Variants in ARID1B observed in about 807,000 individuals in gnomAD.
The protein encoded by ARID1B is AT-rich interactive domain-containing protein 1B.
Under a neutral mutation model 212.3 loss-of-function variants are expected in ARID1B, and 30 were observed. That is an observed-to-expected ratio of 0.14 (90% CI 0.11 to 0.19). ARID1B has a LOEUF of 0.19. Among genes scored for constraint, ARID1B ranks in the 10% least tolerant of loss-of-function variants. ARID1B has a pLI of 1.00. For missense variants in ARID1B, 2,891 were observed against 3,204.0 expected (o/e 0.90, Z 2.36); for synonymous variants, 1,402 against 1,301.7 (o/e 1.08, Z -1.66).
At chr6:156,986,054 T>G (rs772454147) in intron 4 of ARID1B, among the ~76,000 whole-genome samples, 3 of 137,824 alleles carry the variant, frequency 2.2e-5, no homozygotes, top group Non-Finnish European at 4.6e-5. Flanking sequence ...ATTCCTTTAC[T>G]TGGAAGGCTT....
At chr6:156,835,132 C>T (rs1445956455) in intron 2 of ARID1B, among the ~76,000 whole-genome samples, 5 of 149,774 alleles carry the variant, frequency 3.3e-5, no homozygotes, top group African/African-American at 9.9e-5. Flanking sequence ...CCCAGCTCCT[C>T]GGGAAGCTGA....
At chr6:156,966,741 G>A (rs1217531846) in intron 4 of ARID1B, among the ~76,000 whole-genome samples, 4 of 140,132 alleles carry the variant, frequency 2.9e-5, no homozygotes, top group South Asian at 2.3e-4. Context: ...TCGCTCTGTC[G>A]CTAGGCTGGA....
intron 8 of ARID1B, among the ~76,000 whole-genome samples, chr6:157,154,805 T>A (rs1790469670): frequency 1.3e-5 from 2 of 152,096 alleles, no homozygotes; most frequent in African/African-American, 2.4e-5. Flanking sequence ...ATGGCCTTGA[T>A]CTCTTAACGT....
rs754114025 is a variant in ARID1B, at chr6:156,778,198, CCCACCA to C, written c.531_536del (p.His178_His179del). On this transcript the variant is annotated inframe_deletion, in exon 1 of 20. Coordinates refer to ENST00000636930, the MANE Select transcript of ARID1B (RefSeq NM_001374828.1). ...CAGCAGCACCACCACCACCACCATG[CCCACCA>C]CCACCACCACCATGCCCACCACCTC... is the stretch of plus-strand genomic sequence containing the variant. 90 of 1,538,094 alleles carry C rather than the reference CCCACCA, an allele frequency of 5.9e-5. No individual in the cohort carries two copies. The highest frequency in any genetic ancestry group is 2.9e-4 in the African/African-American group (21 of 72,640).
rs148312281 is a variant in ARID1B, at chr6:156,983,213, G to A, written c.2247+47637G>A. Reference sequence around the variant, plus strand: ...AGTTCAAGACCAGCCTGACCAAGATGGTGACACCCCATCTCTACTAAAAAC... The same window carrying A: ...AGTTCAAGACCAGCCTGACCAAGATAGTGACACCCCATCTCTACTAAAAAC... On this transcript the variant is annotated intron_variant, in intron 4 of 19. Transcript: ENST00000636930. Among the ~76,000 whole-genome samples, 898 of 152,140 alleles carry A rather than the reference G, an allele frequency of 5.9e-3. 14 individuals are homozygous for A. Among genetic ancestry groups the A allele is most frequent in the African/African-American group, 0.021 (866 of 41,510 alleles).
chr6:156,989,452 C>T (rs1386016516), intron 4 of ARID1B, among the ~76,000 whole-genome samples: 8 of 152,164 alleles, frequency 5.3e-5, no homozygotes, highest in Non-Finnish European at 1.0e-4. Flanking sequence ...TTTGGGAATT[C>T]GTCATAGCTG....
intron 5 of ARID1B, among the ~76,000 whole-genome samples, chr6:157,101,568 A>G (rs1786049211): frequency 6.6e-6 from 1 of 152,214 alleles, no homozygotes; most frequent in South Asian, 2.1e-4. Flanking sequence ...CATTAATTAT[A>G]AAAAGCCAAT....
intron 8 of ARID1B, among the ~76,000 whole-genome samples, chr6:157,163,237 C>T (rs1252769364): frequency 6.6e-6 from 1 of 152,144 alleles, no homozygotes; most frequent in Non-Finnish European, 1.5e-5. Context: ...CGCCTCGAAA[C>T]CCAGGTCGCT....
intron 1 of ARID1B, among the ~76,000 whole-genome samples, chr6:156,797,275 G>A (rs191486112): frequency 1.3e-5 from 2 of 152,254 alleles, no homozygotes; most frequent in African/African-American, 4.8e-5. Context: ...ACCCACATGG[G>A]GGTGCTGCCG....
chr6:156,776,466 G>A (rs1254833003), upstream of ARID1B: 1 of 152,102 alleles, frequency 6.6e-6, no homozygotes, highest in African/African-American at 2.4e-5. Flanking sequence ...TATATCGAGA[G>A]GGTTAACTGT....
intron 1 of ARID1B, among the ~76,000 whole-genome samples, chr6:156,784,987 T>G (rs769144195): frequency 1.3e-5 from 2 of 152,144 alleles, no homozygotes; most frequent in Admixed American, 6.5e-5. Context: ...CTCGAACTCC[T>G]GACCTCAAGT....
rs138163979 is a variant in ARID1B at position 156,871,019 on chromosome 6, A to G, written c.1987-30357A>G. Among the ~76,000 whole-genome samples the G allele has an allele frequency of 2.0e-3, 303 of 152,342 alleles. 1 individual carries two copies. Among genetic ancestry groups the G allele is most frequent in the Non-Finnish European group, 3.7e-3 (255 of 68,024 alleles). On this transcript the variant is annotated intron_variant, in intron 2 of 19. Coordinates refer to ENST00000636930, the MANE Select transcript of ARID1B (RefSeq NM_001374828.1). ...TAGAACGTTTGGATTTCCTAGCATTATGCCTAAAAGAGATTAGTATTTATG... is the reference window on the plus strand; with the variant it reads ...TAGAACGTTTGGATTTCCTAGCATTGTGCCTAAAAGAGATTAGTATTTATG...
In ARID1B at chr6:157,200,394, C is replaced by T. The variant is rs1036505551; in HGVS notation, c.4480-311C>T. Among the ~76,000 whole-genome samples the T allele has an allele frequency of 9.2e-5, 14 of 151,960 alleles. No individual in the cohort carries two copies. Among genetic ancestry groups the T allele is most frequent in the Non-Finnish European group, 5.9e-5 (4 of 67,972 alleles). Reference sequence around the variant, plus strand: ...CTAGTGCAGCTCCCAGCCCGGGAGCCGTCTGCCTGTGTGGGAGTTGAACGC... The same window carrying T: ...CTAGTGCAGCTCCCAGCCCGGGAGCTGTCTGCCTGTGTGGGAGTTGAACGC... On this transcript the variant is annotated intron_variant, in intron 17 of 19. Transcript: ENST00000636930. The surrounding 1 kb of genome is among the most constrained non-coding windows in gnomAD (Gnocchi z 4.3).
chr6:157,080,535 C>T (rs1784573904), intron 4 of ARID1B, among the ~76,000 whole-genome samples: 1 of 152,118 alleles, frequency 6.6e-6, no homozygotes, highest in South Asian at 2.1e-4. Flanking sequence ...AAAATCCTTC[C>T]CATGCATCTT....
intron 4 of ARID1B, among the ~76,000 whole-genome samples, chr6:156,962,980 A>C (rs1354942882): frequency 6.6e-6 from 1 of 151,104 alleles, no homozygotes; most frequent in Non-Finnish European, 1.5e-5. Flanking sequence ...ACGGGGTTTC[A>C]CCATTTTGGC....
At chr6:156,987,144 C>A (rs1480969866) in intron 4 of ARID1B, among the ~76,000 whole-genome samples, 5 of 147,262 alleles carry the variant, frequency 3.4e-5, no homozygotes, top group African/African-American at 1.3e-4. Flanking sequence ...TGCCACTTCA[C>A]TGTAGCCTCG....
intron 4 of ARID1B, among the ~76,000 whole-genome samples, chr6:157,078,718 T>G (rs1784452486): frequency 6.6e-6 from 1 of 152,220 alleles, no homozygotes; most frequent in Non-Finnish European, 1.5e-5. Flanking sequence ...GATTTTTAAA[T>G]ACCAAAGAAA....
chr6:156,778,949 G>GGCGGCGGCC lies in ARID1B; in HGVS notation c.1278_1286dup (p.Ala431_Ala433dup), dbSNP rs1330318097. The GGCGGCGGCC allele has an allele frequency of 7.8e-7, 1 of 1,289,536 alleles. No homozygotes were observed. Among genetic ancestry groups the GGCGGCGGCC allele is most frequent in the African/African-American group, 1.6e-5 (1 of 63,288 alleles). The allele number at this position is 1,289,536 out of a possible 1,614,324, so 79.9% of individuals were successfully genotyped here. A position where few individuals can be genotyped will look rare whatever the true frequency, so the allele number is the denominator to read the frequency against. Reference sequence around the variant, plus strand: ...GAGGAGCAGGAGCGGGAGCTGTGGCGGCGGCGGCCGCGGCGGCGGCGGCAG... The same window carrying GGCGGCGGCC: ...GAGGAGCAGGAGCGGGAGCTGTGGCGGCGGCGGCCGCGGCGGCCGCGGCGGCGGCGGCAG... On this transcript the variant is annotated inframe_insertion, in exon 1 of 20. Transcript: ENST00000636930.
chr6:156,837,268 T>C (rs972131449), intron 2 of ARID1B, among the ~76,000 whole-genome samples: 5 of 152,218 alleles, frequency 3.3e-5, no homozygotes, highest in African/African-American at 7.2e-5. Context: ...AATCTTAAGG[T>C]TGACATTCTT....
Sources: allele counts gnomAD v4.1 joint callset (sites outside exome capture counted in the v4.1 genomes callset), GRCh38; gene constraint gnomAD v4.1.1; non-coding constraint Gnocchi (gnomAD v3.1); transcripts MANE v1.5; gene names NCBI Gene and HGNC (gene_info 2026-07-23, HGNC 2026-07-21).